POLE: variants seen among roughly 807,000 people sequenced by gnomAD.
The protein encoded by POLE is DNA polymerase epsilon catalytic subunit A.
POLE carries 188 observed loss-of-function variants against 279.2 expected under a neutral mutation model. The observed-to-expected ratio is 0.67, with a 90% CI of 0.60 to 0.76. POLE has a LOEUF of 0.76. Ranked by LOEUF, POLE falls within the 30% of genes least tolerant of loss-of-function variation. POLE has a pLI of 0.00. For synonymous variants in POLE, 1,214 were observed against 1,172.5 expected (o/e 1.04, Z -0.72); for missense variants, 2,703 against 3,016.7 (o/e 0.90, Z 2.44).
rs756275127 is a variant in POLE at position 132,636,023 on chromosome 12, T to C, written c.5680A>G (p.Ile1894Val). 6.2e-7 allele frequency: 1 copy of C among 1,612,526 alleles called. No individual in the cohort carries two copies. The highest frequency in any genetic ancestry group is 8.5e-7 in the Non-Finnish European group (1 of 1,179,442). The change falls in exon 42 of 49, where the codon ATC becomes GTC. Residue 1894 changes from isoleucine to valine, a missense_variant and splice_region_variant. By Grantham distance (29) the Ile-to-Val change is conservative (BLOSUM62 3). Transcript: ENST00000320574. ...IAYVEYITSS[I>V]HSKETFHSLT... is the part of the protein sequence containing the mutation. Reference sequence around the variant, plus strand: ...GAATGGAAGGTCTCCTTTGAATGGATGCTGCAGAGGAAGCATTGAAGACGC... The same window carrying C: ...GAATGGAAGGTCTCCTTTGAATGGACGCTGCAGAGGAAGCATTGAAGACGC...
chr12:132,626,421 CT>C (rs1360724231), intron 45 of POLE, 104 bp from the exon 46 acceptor site: 4 of 1,058,416 alleles, frequency 3.8e-6, no homozygotes, highest in Non-Finnish European at 5.6e-6. Context: ...TCCTGGTGTC[CT>C]TTCCTCCCTT....
At position 132,668,431 on chromosome 12, in the gene POLE, G is replaced by A. The variant is rs145793634; in HGVS notation, c.2098C>T (p.Pro700Ser). The A allele has an allele frequency of 6.2e-6, 10 of 1,612,664 alleles. No individual in the cohort carries two copies. The African/African-American group carries it at 1.1e-4, about 17-fold the overall frequency. Reference protein sequence around the residue: ...LESEKFPPLFPEGPARAFHEL... With the variant: ...LESEKFPPLFSEGPARAFHEL... ...TGAAAGGCCCGAGCTGGCCCCTCTG[G>A]GAACAAGGGGGGGAACTTCTCTGAC... The change falls in exon 19 of 49, where the codon CCA becomes TCA. Residue 700 changes from proline to serine, a missense_variant. Pro to Ser is a moderately conservative substitution (Grantham distance 74). This residue lies in a region of POLE where 1,011 missense variants were observed against 1,111.7 expected (regional missense o/e 0.91). Transcript: ENST00000320574. The surrounding 1 kb of genome is among the most constrained non-coding windows in gnomAD (Gnocchi z 4.0).
chr12:132,668,347 G>A lies in POLE; in HGVS notation c.2173+9C>T, dbSNP rs1056554121. 28 of 1,560,608 alleles carry A rather than the reference G, an allele frequency of 1.8e-5. No individual in the cohort carries two copies. The highest frequency in any genetic ancestry group is 2.3e-5 in the Non-Finnish European group (26 of 1,151,928). On this transcript the variant is annotated intron_variant, in intron 19 of 48. Transcript: ENST00000320574. This position sits in a 1 kb window ranked among gnomAD's most constrained non-coding sequence, Gnocchi z 4.0. The stretch of plus-strand genomic sequence containing the variant: ...ATCTTTACAGCCGTGACCATGCCCA[G>A]GCACTCACCCGCCAGCCTTCTCTTC...
intron 45 of POLE, among the ~76,000 whole-genome samples, chr12:132,629,301 C>T (rs552288802): frequency 2.0e-4 from 31 of 152,306 alleles, no homozygotes; most frequent in East Asian, 3.9e-4. Context: ...CTGCATCTGC[C>T]GCTAACAAGA....
chr12:132,625,277 C>T (rs527299183), intron 47 of POLE: 1 of 729,536 alleles, frequency 1.4e-6, no homozygotes, highest in Admixed American at 1.8e-5. Context: ...GGCCTGAACG[C>T]CGTGCACCAC....
intron 42 of POLE, 149 bp downstream of exon 42, chr12:132,635,743 G>T: frequency 1.3e-6 from 1 of 743,132 alleles, no homozygotes; most frequent in Non-Finnish European, 2.2e-6. Flanking sequence ...TCTGCGCATG[G>T]TCCCTCCCCG....
chr12:132,627,056 G>A (rs1486177023), intron 45 of POLE, among the ~76,000 whole-genome samples: 2 of 152,208 alleles, frequency 1.3e-5, no homozygotes, highest in Admixed American at 1.3e-4. Context: ...CAAGGCAGGT[G>A]GATGGCCTGA....
chr12:132,647,871 G>A (rs1360278123), intron 32 of POLE, among the ~76,000 whole-genome samples: 9 of 152,066 alleles, frequency 5.9e-5, no homozygotes, highest in South Asian at 2.1e-4. Flanking sequence ...CCCAAAGTGC[G>A]GGGATTACAG....
chr12:132,671,237 T>C (rs1272474258), intron 16 of POLE, among the ~76,000 whole-genome samples: 1 of 112,110 alleles, frequency 8.9e-6, no homozygotes, highest in Non-Finnish European at 1.7e-5. Flanking sequence ...CACTCCAGTG[T>C]GGGTGACAGA....
rs1249841057 is a variant in POLE, at chr12:132,625,835, A to AT, written c.6532-66dup. 3 of 1,575,268 alleles carry AT rather than the reference A, an allele frequency of 1.9e-6. No individual in the cohort carries two copies. In the Admixed American group the frequency reaches 5.2e-5, roughly 27 times the overall value. On this transcript the variant is annotated intron_variant, in intron 46 of 48. Coordinates refer to ENST00000320574, the MANE Select transcript of POLE (RefSeq NM_006231.4). ...TCCAGACCACAGTGCCATGGGCAGG[A>AT]TCTCAGGAGAGGAAGGGGCTGTGAG...
intron 25 of POLE, 116 bp downstream of exon 25, chr12:132,660,839 GGGATTTCATTAGGA>G: frequency 1.6e-6 from 1 of 633,796 alleles, no homozygotes; most frequent in South Asian, 2.8e-5. Context: ...AGGAGGTCTT[GGGATTTCATTAGGA>G]CTGGCCCTGT....
At chr12:132,636,100 T>C in intron 41 of POLE, 76 bp from the exon 42 acceptor site, 7 of 1,478,268 alleles carry the variant, frequency 4.7e-6, no homozygotes, top group Non-Finnish European at 6.4e-6. Flanking sequence ...TCCCCTTGTA[T>C]CTATCTGTAC....
chr12:132,644,310 C>T (rs1477307015), intron 32 of POLE, among the ~76,000 whole-genome samples: 1 of 151,334 alleles, frequency 6.6e-6, no homozygotes, highest in Non-Finnish European at 1.5e-5. Context: ...AAGGAACACA[C>T]CACCACGGAT....
chr12:132,666,325 C>T (rs978678765), intron 20 of POLE, among the ~76,000 whole-genome samples: 4 of 152,380 alleles, frequency 2.6e-5, no homozygotes, highest in East Asian at 1.9e-4. Flanking sequence ...CGGTGGCTCA[C>T]GCCTGTAATC....
At chr12:132,644,460 G>C (rs1426055805) in intron 32 of POLE, among the ~76,000 whole-genome samples, 1 of 150,324 alleles carries the variant, frequency 6.7e-6, no homozygotes, top group African/African-American at 2.5e-5. Context: ...GCCTCTGGAC[G>C]CAATTTTGAA....
rs774999422 is a variant in POLE at position 132,649,777 on chromosome 12, T to G, written c.3695A>C (p.Lys1232Thr). Residue 1232 changes from lysine (K) to threonine (T), a missense_variant, in exon 30 of 49, where the codon AAG (lysine) becomes ACG (threonine). Physicochemically the swap from Lys to Thr is moderately conservative, Grantham distance 78. Around this residue, in one of 5 missense-constraint regions of POLE, gnomAD observed 1,551 missense variants for 1,686.1 expected, o/e 0.92. Transcript: ENST00000320574. ...HPAAPVTVKR[K>T]RVLWESQEES... ...CTCCTGGCTCTCCCAAAGAACTCGC[T>G]TCCTCTTCACAGTGACAGGGGCTGC... is the stretch of plus-strand genomic sequence containing the variant. 1.1e-5 allele frequency: 18 copies of G among 1,614,066 alleles called. No individual in the cohort carries two copies. The highest frequency in any genetic ancestry group is 1.5e-5 in the Non-Finnish European group (18 of 1,180,044).
chr12:132,639,382 A>G lies in POLE; in HGVS notation c.5379-84T>C. On this transcript the variant is annotated intron_variant, in intron 39 of 48. Coordinates refer to ENST00000320574, the MANE Select transcript of POLE (RefSeq NM_006231.4). The surrounding 1 kb of genome is among the most constrained non-coding windows in gnomAD (Gnocchi z 4.7). ...GGGACGCTCCAACTGAAATGGGCAC[A>G]GGTTTTCCCTACACGGCTGGGTCCA... The G allele has an allele frequency of 7.5e-7, 1 of 1,326,180 alleles. No individual in the cohort carries two copies. The highest frequency in any genetic ancestry group is 1.1e-6 in the Non-Finnish European group (1 of 946,988). The allele number at this position is 1,326,180 out of a possible 1,614,324, so 82.2% of individuals were successfully genotyped here.
intron 29 of POLE, among the ~76,000 whole-genome samples, chr12:132,656,408 G>C (rs2042540485): frequency 6.6e-6 from 1 of 151,998 alleles, no homozygotes; most frequent in South Asian, 2.1e-4. Context: ...TCGCCCAGGG[G>C]AGTGCAGTGG....
chr12:132,680,988 A>G (rs549946885), intron 2 of POLE, 150 bp downstream of exon 2: 4 of 904,706 alleles, frequency 4.4e-6, no homozygotes, highest in Non-Finnish European at 3.3e-6. Flanking sequence ...CAATGACGTT[A>G]AAGAGGAAAG....
Sources: gnomAD v4.1 joint callset for allele counts (sites outside exome capture counted in the v4.1 genomes callset) on GRCh38, gnomAD v4.1.1 for gene constraint, gnomAD v4.1.1 regional missense constraint, Gnocchi (gnomAD v3.1) non-coding constraint, MANE v1.5 for transcripts, NCBI Gene and HGNC (gene_info 2026-07-23, HGNC 2026-07-21) for gene names.